Variants in NRAP observed in about 807,000 individuals in gnomAD.
NRAP encodes nebulin-related-anchoring protein.
NRAP carries 189 observed loss-of-function variants against 225.9 expected under a neutral mutation model. The observed-to-expected ratio is 0.84, with a 90% CI of 0.74 to 0.94. The LOEUF is 0.94. Ranked by LOEUF, NRAP falls within the 40% of genes least tolerant of loss-of-function variation. The pLI is 0.00. For synonymous variants in NRAP, 769 were observed against 790.7 expected (o/e 0.97, Z 0.46); for missense variants, 2,176 against 2,168.7 (o/e 1.00, Z -0.07).
chr10:113,593,160 G>A (rs1028313340), intron 38 of NRAP, among the ~76,000 whole-genome samples: 8 of 152,052 alleles, frequency 5.3e-5, no homozygotes, highest in African/African-American at 7.2e-5. Flanking sequence ...CAGGAGAGGC[G>A]CATCACCAAC....
chr10:113,654,329 T>C lies in NRAP; in HGVS notation c.361-204A>G, dbSNP rs150182651. The stretch of plus-strand genomic sequence containing the variant: ...AATTGAACTTTCTGAGAACCACTTA[T>C]GTTACAGGAAAATTTTGAATGTAAC... On this transcript the variant is annotated intron_variant, in intron 4 of 41. Coordinates refer to ENST00000359988, the MANE Select transcript of NRAP (RefSeq NM_198060.4). Among the ~76,000 whole-genome samples the C allele has an allele frequency of 1.4e-4, 22 of 152,336 alleles. 1 individual carries two copies. The highest frequency in any genetic ancestry group is 2.6e-4 in the African/African-American group (11 of 41,560).
At chr10:113,637,565 A>T (rs1384244754) in intron 14 of NRAP, among the ~76,000 whole-genome samples, 1 of 152,220 alleles carries the variant, frequency 6.6e-6, no homozygotes, top group African/African-American at 2.4e-5. Context: ...CTAGAACAGG[A>T]CCTAGAAATA....
At position 113,650,505 on chromosome 10, in the gene NRAP, C is replaced by A. The variant is rs767324362; in HGVS notation, c.716G>T (p.Gly239Val). 6.2e-7 allele frequency: 1 copy of A among 1,613,778 alleles called. No individual in the cohort carries two copies. Among genetic ancestry groups the A allele is most frequent in the Non-Finnish European group, 8.5e-7 (1 of 1,179,724 alleles). Residue 239 changes from glycine (G) to valine (V), a missense_variant, in exon 8 of 42, where the codon GGC becomes GTC. This residue lies in a region of NRAP where 1,708 missense variants were observed against 1,695.5 expected (regional missense o/e 1.01). Coordinates refer to ENST00000359988, the MANE Select transcript of NRAP (RefSeq NM_198060.4). ...TEDYEQQRGK[G>V]SFPAMITPAY... The stretch of plus-strand genomic sequence containing the variant: ...GGGTGTGATCATCGCAGGGAAACTG[C>A]CTTTCCCTCTTTGTTGTTCATAGTC...
chr10:113,627,123 A>G (rs79935259), intron 20 of NRAP, among the ~76,000 whole-genome samples: 2,930 of 152,252 alleles, frequency 0.019, 94 homozygotes, highest in African/African-American at 0.066. Context: ...GAAACTCCAA[A>G]TTTTCTGCCT....
At chr10:113,595,320 C>G (rs544366477) in intron 38 of NRAP, among the ~76,000 whole-genome samples, 1 of 152,336 alleles carries the variant, frequency 6.6e-6, no homozygotes, top group Admixed American at 6.5e-5. Context: ...CAGGGGACCA[C>G]TCCCCTCATG....
In NRAP at chr10:113,605,808, G is replaced by A. The variant is rs139390830; in HGVS notation, c.3869C>T (p.Ala1290Val). The A allele has an allele frequency of 4.4e-4, 706 of 1,614,084 alleles. No homozygotes were observed. Among genetic ancestry groups the A allele is most frequent in the Non-Finnish European group, 5.4e-4 (634 of 1,179,932 alleles). Reference protein sequence around the residue: ...RAQGYKLTIEALPFQAARASG... With the variant: ...RAQGYKLTIEVLPFQAARASG... ...GGCCCGGGCAGCCTGGAAGGGGAGC[G>A]CTTCTATTGTCAGCTTGTAGCCTTG... Residue 1290 changes from alanine to valine, a missense_variant, in exon 34 of 42, where the codon GCG (alanine) becomes GTG (valine). Physicochemically the swap from Ala to Val is moderately conservative, Grantham distance 64 (BLOSUM62 0). Coordinates refer to ENST00000359988, the MANE Select transcript of NRAP (RefSeq NM_198060.4).
chr10:113,638,734 T>C (rs1849022059), intron 14 of NRAP, among the ~76,000 whole-genome samples: 1 of 152,108 alleles, frequency 6.6e-6, no homozygotes, highest in African/African-American at 2.4e-5. Context: ...CACATGTTGG[T>C]TCAATTAAAA....
chr10:113,649,238 A>G (rs1849782399), intron 9 of NRAP, among the ~76,000 whole-genome samples: 2 of 152,246 alleles, frequency 1.3e-5, no homozygotes, highest in African/African-American at 4.8e-5. Context: ...GTGTCTTTCT[A>G]AAGAAGAGAA....
chr10:113,657,403 A>T, intron 4 of NRAP, 67 bp downstream of exon 4: 1 of 832,708 alleles, frequency 1.2e-6, no homozygotes, highest in Non-Finnish European at 2.1e-6. Context: ...TAATAATAAT[A>T]ATACACTCAA....
At position 113,589,743 on chromosome 10, in the gene NRAP, C is replaced by A. The variant is rs1188421927; in HGVS notation, c.5011G>T (p.Gly1671Cys). 6.2e-7 allele frequency: 1 copy of A among 1,614,182 alleles called. No homozygotes were observed. The highest frequency in any genetic ancestry group is 1.1e-5 in the South Asian group (1 of 91,084). ...LTRGVGWTPPGSYKVEMARRA... is the reference protein window; with the variant it reads ...LTRGVGWTPPCSYKVEMARRA... ...CGAGCCATTTCCACTTTGTAGGAGC[C>A]AGGAGGGGTCCAGCCAACACCTCTG... The change falls in exon 41 of 42, where the codon GGC (glycine) becomes TGC (cysteine). Residue 1671 changes from glycine (G) to cysteine (C), a missense_variant. Physicochemically the swap from Gly to Cys is radical, Grantham distance 159 (BLOSUM62 -3). Coordinates refer to ENST00000359988, the MANE Select transcript of NRAP (RefSeq NM_198060.4).
Position 113,629,628 on chromosome 10 carries a change from T to G in NRAP, c.2000A>C (p.Lys667Thr), listed in dbSNP as rs886876194. Reference sequence around the variant, plus strand: ...ATAGGCCTTCTTGGCCCACTGAGTCTTCATATCTTCAGGCAGCACAGTGTA... The same window carrying G: ...ATAGGCCTTCTTGGCCCACTGAGTCGTCATATCTTCAGGCAGCACAGTGTA... ...HEYTVLPEDMKTQWAKKAYGL... is the reference protein window; with the variant it reads ...HEYTVLPEDMTTQWAKKAYGL... The change falls in exon 19 of 42, where the codon AAG (lysine) becomes ACG (threonine). Residue 667 changes from lysine to threonine, a missense_variant. Transcript: ENST00000359988. 6.2e-7 allele frequency: 1 copy of G among 1,614,090 alleles called. No homozygotes were observed. Among genetic ancestry groups the G allele is most frequent in the Non-Finnish European group, 8.5e-7 (1 of 1,179,914 alleles).
At chr10:113,647,893 C>T (rs1357738499) in intron 9 of NRAP, among the ~76,000 whole-genome samples, 2 of 152,354 alleles carry the variant, frequency 1.3e-5, no homozygotes, top group South Asian at 4.1e-4. Context: ...CACCATCCAT[C>T]CACTCCCAGA....
intron 23 of NRAP, 51 bp downstream of exon 23, chr10:113,623,478 A>C: frequency 8.5e-7 from 1 of 1,182,506 alleles, no homozygotes; most frequent in Non-Finnish European, 1.2e-6. Flanking sequence ...TCTCCCCGGT[A>C]TAAAAAGGCA....
intron 16 of NRAP, among the ~76,000 whole-genome samples, chr10:113,632,481 G>T (rs1300631975): frequency 2.0e-5 from 3 of 152,112 alleles, no homozygotes; most frequent in Non-Finnish European, 2.9e-5. Flanking sequence ...AAATTAAAGA[G>T]CTCACCTACG....
intron 14 of NRAP, 51 bp downstream of exon 14, chr10:113,640,176 G>T (rs1468354298): frequency 9.6e-7 from 1 of 1,045,982 alleles, no homozygotes; most frequent in Non-Finnish European, 1.5e-6. Context: ...CACTCCTCAG[G>T]AAGGAAGCGA....
At chr10:113,625,533 G>C (rs913119616) in intron 21 of NRAP, among the ~76,000 whole-genome samples, 111 of 152,278 alleles carry the variant, frequency 7.3e-4, no homozygotes, top group Non-Finnish European at 2.2e-4. Context: ...ATCTTACCTG[G>C]ACCTTTAGGA....
In NRAP at chr10:113,617,525, A is replaced by C. The variant is rs775043284; in HGVS notation, c.2903T>G (p.Leu968Trp). Reference sequence around the variant, plus strand: ...AGTGTCTTTAATACTGGTAAACTTCAAAGCATCTGGATGCTGACGGTACTT... The same window carrying C: ...AGTGTCTTTAATACTGGTAAACTTCCAAGCATCTGGATGCTGACGGTACTT... ...EKKYRQHPDA[L>W]KFTSIKDTPE... Residue 968 changes from leucine (L) to tryptophan (W), a missense_variant, in exon 26 of 42, where the codon TTG becomes TGG. Around this residue, in one of 3 missense-constraint regions of NRAP, gnomAD observed 1,708 missense variants for 1,695.5 expected, o/e 1.01. Coordinates refer to ENST00000359988, the MANE Select transcript of NRAP (RefSeq NM_198060.4). The C allele has an allele frequency of 1.6e-5, 25 of 1,612,192 alleles. No individual in the cohort carries two copies. Among genetic ancestry groups the C allele is most frequent in the Non-Finnish European group, 2.0e-5 (24 of 1,178,402 alleles).
chr10:113,625,960 G>T, intron 21 of NRAP, 87 bp downstream of exon 21: 1 of 824,044 alleles, frequency 1.2e-6, no homozygotes, highest in Non-Finnish European at 1.9e-6. Flanking sequence ...TCTGGATTGT[G>T]CCTGGGCGGC....
At chr10:113,648,461 C>CTATATA (rs1233688674) in intron 9 of NRAP, among the ~76,000 whole-genome samples, 13 of 125,856 alleles carry the variant, frequency 1.0e-4, no homozygotes, top group African/African-American at 3.1e-4. Context: ...CTCTCTCTCT[C>CTATATA]TCTCTCTATA....
Sources: allele counts gnomAD v4.1 joint callset (sites outside exome capture counted in the v4.1 genomes callset), GRCh38; gene constraint gnomAD v4.1.1; regional missense constraint gnomAD v4.1.1; transcripts MANE v1.5; gene names NCBI Gene and HGNC (gene_info 2026-07-23, HGNC 2026-07-21).